RNF216: variants seen among roughly 807,000 people sequenced by gnomAD.
RNF216 encodes E3 ubiquitin-protein ligase RNF216.
RNF216 carries 72 observed loss-of-function variants against 110.8 expected under a neutral mutation model. That is an observed-to-expected ratio of 0.65 (90% CI 0.54 to 0.79). The LOEUF is 0.79. Ranked by LOEUF, RNF216 falls within the 30% of genes least tolerant of loss-of-function variation. The pLI is 0.00. For missense variants in RNF216, 1,342 were observed against 1,141.2 expected (o/e 1.18, Z -2.54); for synonymous variants, 495 against 407.5 (o/e 1.21, Z -2.59).
intron 2 of RNF216, among the ~76,000 whole-genome samples, chr7:5,760,688 G>A (rs1317944013): frequency 5.9e-5 from 9 of 152,170 alleles, no homozygotes; most frequent in South Asian, 2.1e-4. Context: ...GCCTAGTGGA[G>A]CACTCCTTTA....
At chr7:5,694,247 G>C (rs1038861929) in intron 13 of RNF216, among the ~76,000 whole-genome samples, 84 of 152,214 alleles carry the variant, frequency 5.5e-4, no homozygotes, top group African/African-American at 2.0e-3. Context: ...TTTCAAACAA[G>C]TCTTTCAGCT....
At chr7:5,716,000 C>T (rs913709343) in intron 10 of RNF216, among the ~76,000 whole-genome samples, 2 of 152,104 alleles carry the variant, frequency 1.3e-5, no homozygotes, top group African/African-American at 2.4e-5. Flanking sequence ...CTTGGCCTTC[C>T]GAAGTGCTGG....
chr7:5,668,773 T>C (rs1188832224), intron 13 of RNF216, among the ~76,000 whole-genome samples: 1 of 152,222 alleles, frequency 6.6e-6, no homozygotes, highest in Non-Finnish European at 1.5e-5. Flanking sequence ...TGCTGTTGCC[T>C]GCCCTTCCAG....
At chr7:5,739,127 A>G (rs1234104289) in intron 5 of RNF216, 149 bp downstream of exon 5, 11 of 941,922 alleles carry the variant, frequency 1.2e-5, no homozygotes, top group Middle Eastern at 3.7e-4. Flanking sequence ...AGTTCTGAAG[A>G]TGGATGGTGG....
intron 5 of RNF216, among the ~76,000 whole-genome samples, chr7:5,738,832 T>G (rs1234435258): frequency 6.6e-6 from 1 of 151,904 alleles, no homozygotes; most frequent in Non-Finnish European, 1.5e-5. Context: ...ACAGGTAGTA[T>G]CAACGCTTAG....
chr7:5,670,138 T>C (rs1789809395), intron 13 of RNF216, among the ~76,000 whole-genome samples: 1 of 152,100 alleles, frequency 6.6e-6, no homozygotes, highest in Non-Finnish European at 1.5e-5. Context: ...TTCACCATGT[T>C]GGCCAGGCTG....
At chr7:5,734,556 G>A (rs1794279126) in intron 5 of RNF216, among the ~76,000 whole-genome samples, 1 of 151,068 alleles carries the variant, frequency 6.6e-6, no homozygotes, top group Non-Finnish European at 1.5e-5. Context: ...AAGAATATGT[G>A]GAAAGGCTTC....
chr7:5,659,084 C>A (rs578061464), intron 13 of RNF216, among the ~76,000 whole-genome samples: 1 of 151,960 alleles, frequency 6.6e-6, no homozygotes, highest in African/African-American at 2.4e-5. Context: ...AGGACACTAG[C>A]GAGATTGGTG....
chr7:5,641,400 G>T (rs1388360662), intron 14 of RNF216, 24 bp from the exon 15 acceptor site: 3 of 1,591,872 alleles, frequency 1.9e-6, no homozygotes, highest in Middle Eastern at 1.7e-4. Flanking sequence ...ACATAATTTG[G>T]AGCTGGGAGG....
chr7:5,700,065 TCC>T (rs1791867224), intron 13 of RNF216, among the ~76,000 whole-genome samples: 1 of 152,114 alleles, frequency 6.6e-6, no homozygotes, highest in Non-Finnish European at 1.5e-5. Context: ...TTGCTACTGT[TCC>T]CCTTCTCCAC....
At chr7:5,653,599 T>TC (rs1295438213) in intron 13 of RNF216, among the ~76,000 whole-genome samples, 2 of 19,748 alleles carry the variant, frequency 1.0e-4, no homozygotes, top group Non-Finnish European at 1.9e-4. Flanking sequence ...AGACTCTGTC[T>TC]CAAAAAAAAA....
Position 5,707,861 on chromosome 7 carries a change from G to A in RNF216, c.2061+3900C>T, listed in dbSNP as rs150948585. Among the ~76,000 whole-genome samples, 573 of 151,966 alleles carry A rather than the reference G, an allele frequency of 3.8e-3. 3 individuals are homozygous for A. The highest frequency in any genetic ancestry group is 0.013 in the African/African-American group (551 of 41,434). ...CTGCCTCAGCCTCCCAAGTAGCTGC[G>A]ATTACAGGCGCACGCAACCACACCC... On this transcript the variant is annotated intron_variant, in intron 13 of 16. Transcript: ENST00000389902.
intron 7 of RNF216, 139 bp from the exon 8 acceptor site, chr7:5,725,577 GCGGTGGCTGA>G (rs1251914109): frequency 1.6e-6 from 1 of 627,328 alleles, no homozygotes; most frequent in East Asian, 2.7e-5. Flanking sequence ...GCAGCTGGGT[GCGGTGGCTGA>G]CGCCTGTAAT....
chr7:5,753,981 T>TGA (rs1264290527), intron 2 of RNF216, among the ~76,000 whole-genome samples: 1 of 151,792 alleles, frequency 6.6e-6, no homozygotes, highest in Non-Finnish European at 1.5e-5. Context: ...GGTGACAGAG[T>TGA]GAGACCCCAT....
chr7:5,623,662 G>A (rs981703315), intron 16 of RNF216, among the ~76,000 whole-genome samples: 6 of 151,942 alleles, frequency 3.9e-5, no homozygotes, highest in African/African-American at 1.5e-4. Context: ...CCAACCTCCT[G>A]GGATCCAGTG....
At chr7:5,644,192 G>A (rs1787912429) in intron 14 of RNF216, among the ~76,000 whole-genome samples, 1 of 152,154 alleles carries the variant, frequency 6.6e-6, no homozygotes, top group Admixed American at 6.5e-5. Context: ...TATGTTGGGT[G>A]AGTACCTGAG....
At chr7:5,771,052 C>G (rs781277080) in intron 1 of RNF216, among the ~76,000 whole-genome samples, 1 of 152,266 alleles carries the variant, frequency 6.6e-6, no homozygotes, top group Non-Finnish European at 1.5e-5. Flanking sequence ...GTGATTCGCC[C>G]ACCTTGGCCT....
In RNF216 at chr7:5,716,754, A is replaced by G; in HGVS notation, c.1657T>C (p.Leu553=). The change falls in exon 10 of 17, where the codon TTG becomes CTG. Residue 553 remains leucine, a synonymous_variant. Coordinates refer to ENST00000389902, the MANE Select transcript of RNF216 (RefSeq NM_207111.4). ...IKEMAEHEDF[L]LALQMNEEQY... ...TCTTCATTCATCTGTAGGGCAAGCA[A>G]AAAGTCTTCATGCTGAAGAACAAAA... 1 of 1,607,472 alleles carries G rather than the reference A, an allele frequency of 6.2e-7. No homozygotes were observed. Among genetic ancestry groups the G allele is most frequent in the Admixed American group, 1.7e-5 (1 of 59,454 alleles).
chr7:5,742,254 C>T (rs187879791), intron 3 of RNF216, among the ~76,000 whole-genome samples: 107 of 152,090 alleles, frequency 7.0e-4, no homozygotes, highest in Middle Eastern at 3.4e-3. Context: ...GCCATGTTGG[C>T]CACGCTCGTC....
Sources: gnomAD v4.1 joint callset for allele counts (sites outside exome capture counted in the v4.1 genomes callset) on GRCh38, gnomAD v4.1.1 for gene constraint, MANE v1.5 for transcripts, NCBI Gene and HGNC (gene_info 2026-07-23, HGNC 2026-07-21) for gene names.